The following TRIM39 variants were observed in gnomAD, a reference collection of about 807,000 sequenced individuals.
TRIM39 encodes E3 ubiquitin-protein ligase TRIM39.
In TRIM39, 5 loss-of-function variants were observed where a neutral mutation model predicts 53.6. That is an observed-to-expected ratio of 0.09 (90% confidence interval 0.05 to 0.20). TRIM39 has a LOEUF of 0.20. Among genes scored for constraint, TRIM39 ranks in the 10% least tolerant of loss-of-function variants. The pLI, the probability that TRIM39 is intolerant of heterozygous loss-of-function variation, is 1.00. For missense variants in TRIM39, 310 were observed against 621.0 expected, an observed-to-expected ratio of 0.50 and a Z score of 5.32; for synonymous variants, 196 against 237.6, an observed-to-expected ratio of 0.82 and a Z score of 1.61.
intron 7 of TRIM39, among the ~76,000 whole-genome samples, chr6:30,341,136 A>G (rs1370924869): frequency 2.0e-5 from 3 of 151,916 alleles, no homozygotes; most frequent in African/African-American, 7.3e-5. Context: ...TGAACCTGGG[A>G]AGCGGAGGTT....
chr6:30,331,159 C>A (rs1210618106), intron 4 of TRIM39, among the ~76,000 whole-genome samples: 1 of 152,026 alleles, frequency 6.6e-6, no homozygotes, highest in Non-Finnish European at 1.5e-5. Context: ...GTCCCAGCGA[C>A]TTGGGCGGCT....
Position 30,330,776 on chromosome 6 carries a change from C to T in TRIM39, c.454-5C>T, listed in dbSNP as rs1222705210. On this transcript the variant is annotated splice_region_variant and splice_polypyrimidine_tract_variant and intron_variant, in intron 3 of 7. Coordinates refer to ENST00000396551, the Ensembl canonical transcript of TRIM39. ...CACCTCTCCCACTTCCTCCCTACCC[C>T]TCAGGAAAAACTGCAGAAGTGTCTG... 7 of 1,614,026 alleles carry T rather than the reference C, an allele frequency of 4.3e-6. No homozygotes were observed. In the Admixed American group the frequency reaches 5.0e-5, roughly 12 times the overall value.
At chr6:30,326,772 T>A (rs1052001222) in exon 1 of TRIM39, 1 of 153,660 alleles carries the variant, frequency 6.5e-6, no homozygotes, top group Non-Finnish European at 1.4e-5. Context: ...CCCCTGCTGC[T>A]TCTCATCGCC....
chr6:30,326,891 A>C (rs2127376711), exon 1 of TRIM39: 1 of 152,210 alleles, frequency 6.6e-6, no homozygotes, highest in East Asian at 1.9e-4. Context: ...GCTTCCGGCG[A>C]GTATTGTGTG....
chr6:30,328,313 A>G (rs1034593969), intron 1 of TRIM39, among the ~76,000 whole-genome samples: 2 of 152,256 alleles, frequency 1.3e-5, no homozygotes, highest in African/African-American at 4.8e-5. Context: ...GAGCTCAGCA[A>G]TATTTAATAT....
At chr6:30,330,188 C>G (rs1785958364) in intron 3 of TRIM39, among the ~76,000 whole-genome samples, 2 of 152,236 alleles carry the variant, frequency 1.3e-5, no homozygotes, top group Non-Finnish European at 2.9e-5. Flanking sequence ...ACCTACCGGA[C>G]TAAGCTGAAC....
chr6:30,343,494 G>A (rs1787777070), exon 8 of TRIM39: 1 of 152,654 alleles, frequency 6.6e-6, no homozygotes, highest in Non-Finnish European at 1.5e-5. Context: ...AGGTAAAAGT[G>A]ATGCATGCCA....
At chr6:30,340,767 C>G in intron 7 of TRIM39, 147 bp downstream of exon 7, 1 of 831,648 alleles carries the variant, frequency 1.2e-6, no homozygotes, top group East Asian at 2.7e-5. Flanking sequence ...TTAGTCTCAC[C>G]CTGAGTCACA....
At chr6:30,336,147 C>A in intron 5 of TRIM39, 172 bp downstream of exon 5, 1 of 940,950 alleles carries the variant, frequency 1.1e-6, no homozygotes, top group Non-Finnish European at 1.7e-6. Context: ...TTCTCCCATC[C>A]CCTTCTAACC....
At chr6:30,328,912 C>A in exon 2 of TRIM39, 1 of 176,682 alleles carries the variant, frequency 5.7e-6, no homozygotes, top group Non-Finnish European at 1.2e-5. Flanking sequence ...CTGTTAGAAA[C>A]GTATGTCAAA....
chr6:30,327,911 C>T (rs115949008), intron 1 of TRIM39, among the ~76,000 whole-genome samples: 62 of 152,334 alleles, frequency 4.1e-4, no homozygotes, highest in African/African-American at 1.5e-3. Context: ...GTTAACCTAC[C>T]TCATTACATG....
At chr6:30,334,491 T>G (rs778264510) in intron 4 of TRIM39, among the ~76,000 whole-genome samples, 128 of 152,224 alleles carry the variant, frequency 8.4e-4, no homozygotes, top group Admixed American at 1.4e-3. Flanking sequence ...ACTAAATTAC[T>G]AACAAACTTC....
intron 4 of TRIM39, among the ~76,000 whole-genome samples, chr6:30,332,390 C>T (rs1258120790): frequency 6.6e-6 from 1 of 152,112 alleles, no homozygotes; most frequent in Non-Finnish European, 1.5e-5. Flanking sequence ...TAAAGGTTTC[C>T]CGAAGAAGTA....
Position 30,335,888 on chromosome 6 carries a change from T to A in TRIM39, c.693T>A (p.Ala231=). Residue 231 remains alanine, a synonymous_variant, in exon 5 of 8, where the codon GCT becomes GCA. Transcript: ENST00000396551. This position sits in a 1 kb window ranked among gnomAD's most constrained non-coding sequence, Gnocchi z 4.7. ...TGCAGCGACTCCGAGAAAATGCTGCTCACCTTGGGGACAAGCGCCGGGACC... is the reference window on the plus strand; with the variant it reads ...TGCAGCGACTCCGAGAAAATGCTGCACACCTTGGGGACAAGCGCCGGGACC... The A allele has an allele frequency of 6.2e-7, 1 of 1,612,638 alleles. No individual in the cohort carries two copies. Among genetic ancestry groups the A allele is most frequent in the African/African-American group, 1.3e-5 (1 of 74,880 alleles).
chr6:30,341,818 A>C (rs1562425877), exon 8 of TRIM39: 1 of 1,612,966 alleles, frequency 6.2e-7, no homozygotes, highest in East Asian at 2.2e-5. Context: ...TCCCTGACAC[A>C]CCAAGGCGTT....
intron 4 of TRIM39, among the ~76,000 whole-genome samples, chr6:30,331,988 A>T (rs1786239984): frequency 6.6e-6 from 1 of 152,182 alleles, no homozygotes; most frequent in Admixed American, 6.5e-5. Context: ...CCAAATTGGG[A>T]TAAGTGAGAC....
rs779374220 is a variant in TRIM39, at chr6:30,342,292, C to T, written c.*33C>T. On this transcript the variant is annotated 3_prime_UTR_variant, in exon 8 of 8. Coordinates refer to ENST00000396551, the Ensembl canonical transcript of TRIM39. The surrounding 1 kb of genome is among the most constrained non-coding windows in gnomAD (Gnocchi z 4.7). ...GGATGTGGGAATGACTGGGGTGAGG[C>T]AGGGTCAAGTGCTACGGGCCTCCTT... The T allele has an allele frequency of 2.5e-6, 4 of 1,603,350 alleles. No individual in the cohort carries two copies.
At chr6:30,326,798 T>C (rs868701208) in exon 1 of TRIM39, 4 of 152,548 alleles carry the variant, frequency 2.6e-5, no homozygotes, top group African/African-American at 4.8e-5. Context: ...TCCTCCTCCT[T>C]CTTCCGCAGG....
exon 1 of TRIM39, chr6:30,326,488 A>G (rs1327270303): frequency 6.6e-6 from 1 of 152,346 alleles, no homozygotes; most frequent in East Asian, 1.9e-4. Flanking sequence ...CGAAGAGAGG[A>G]AAAGTGTGGA....
Sources: gnomAD v4.1 joint callset for allele counts (sites outside exome capture counted in the v4.1 genomes callset) on GRCh38, gnomAD v4.1.1 for gene constraint, Gnocchi (gnomAD v3.1) non-coding constraint, MANE v1.5 for transcripts, NCBI Gene and HGNC (gene_info 2026-07-23, HGNC 2026-07-21) for gene names.